SORCS2: variants seen among roughly 807,000 people sequenced by gnomAD.
The protein encoded by SORCS2 is sortilin related VPS10 domain containing receptor 2, also known as VPS10 domain-containing receptor SorCS2.
In SORCS2, 100 loss-of-function variants were observed where a neutral mutation model predicts 141.6. The observed-to-expected ratio is 0.71, with a 90% confidence interval of 0.60 to 0.83. The LOEUF is 0.83. Ranked by LOEUF, SORCS2 falls within the 40% of genes least tolerant of loss-of-function variation. The pLI is 0.00. For synonymous variants in SORCS2, 789 were observed against 676.9 expected, an observed-to-expected ratio of 1.17 and a Z score of -2.57; for missense variants, 1,646 against 1,560.2, an observed-to-expected ratio of 1.05 and a Z score of -0.93.
At chr4:7,524,290 G>A (rs1560354735) in intron 2 of SORCS2, among the ~76,000 whole-genome samples, 1 of 152,154 alleles carries the variant, frequency 6.6e-6, no homozygotes, top group Non-Finnish European at 1.5e-5. Flanking sequence ...AGGGACGCCT[G>A]GAGCCCTCAG....
intron 1 of SORCS2, among the ~76,000 whole-genome samples, chr4:7,351,870 C>T (rs1720963515): frequency 6.6e-6 from 1 of 152,150 alleles, no homozygotes; most frequent in African/African-American, 2.4e-5. Context: ...ATTCATCCCC[C>T]ATCCATTCAC....
chr4:7,673,294 T>C (rs1405495358), intron 8 of SORCS2, among the ~76,000 whole-genome samples: 1 of 152,250 alleles, frequency 6.6e-6, no homozygotes, highest in Non-Finnish European at 1.5e-5. Flanking sequence ...AATGTTGCGA[T>C]GTGGCAATTT....
At chr4:7,673,772 A>G (rs929740174) in intron 8 of SORCS2, among the ~76,000 whole-genome samples, 3 of 152,218 alleles carry the variant, frequency 2.0e-5, no homozygotes, top group Non-Finnish European at 4.4e-5. Flanking sequence ...ACTTGCTGCA[A>G]TCGCTGTAAA....
chr4:7,411,080 C>T (rs1028150163), intron 2 of SORCS2, among the ~76,000 whole-genome samples: 3 of 151,274 alleles, frequency 2.0e-5, no homozygotes, highest in Non-Finnish European at 2.9e-5. Context: ...CTCAGCCTCC[C>T]GAGTAGCTGG....
chr4:7,222,609 G>C (rs772996255), intron 1 of SORCS2, among the ~76,000 whole-genome samples: 1 of 152,162 alleles, frequency 6.6e-6, no homozygotes, highest in African/African-American at 2.4e-5. Flanking sequence ...GCTGGCATGC[G>C]AATGAGATTC....
intron 2 of SORCS2, among the ~76,000 whole-genome samples, chr4:7,455,634 C>T (rs566977955): frequency 6.4e-5 from 9 of 139,764 alleles, no homozygotes; most frequent in East Asian, 4.3e-4. Flanking sequence ...TGGGGTCAGG[C>T]GCCGTGTTGG....
At chr4:7,330,868 G>A (rs1719614456) in intron 1 of SORCS2, among the ~76,000 whole-genome samples, 1 of 152,080 alleles carries the variant, frequency 6.6e-6, no homozygotes, top group Admixed American at 6.5e-5. Context: ...GTGTTCCACA[G>A]ACGTGGACTC....
chr4:7,554,568 C>T (rs1303779253), intron 3 of SORCS2, among the ~76,000 whole-genome samples: 3 of 152,146 alleles, frequency 2.0e-5, no homozygotes, highest in Non-Finnish European at 4.4e-5. Flanking sequence ...ATTCAGCAAA[C>T]ACCATTAAAG....
At chr4:7,317,000 G>A (rs893078864) in intron 1 of SORCS2, among the ~76,000 whole-genome samples, 1 of 152,192 alleles carries the variant, frequency 6.6e-6, no homozygotes, top group Non-Finnish European at 1.5e-5. Context: ...AGCGCCCGGG[G>A]TCAGAAGGTT....
chr4:7,664,527 C>A lies in SORCS2; in HGVS notation c.1071+56C>A. 1 of 1,282,120 alleles carries A rather than the reference C, an allele frequency of 7.8e-7. No individual in the cohort carries two copies. Among genetic ancestry groups the A allele is most frequent in the Non-Finnish European group, 1.1e-6 (1 of 915,854 alleles). The allele number at this position is 1,282,120 out of a possible 1,614,324, so 79.4% of individuals were successfully genotyped here. ...GGCAACAGGTGACGTGGCGGATGAC[C>A]CGTTCGCGGCAAAAATGGCATCGCT... On this transcript the variant is annotated intron_variant, in intron 7 of 26. Coordinates refer to ENST00000507866, the MANE Select transcript of SORCS2 (RefSeq NM_020777.3). The surrounding 1 kb of genome is among the most constrained non-coding windows in gnomAD (Gnocchi z 4.7).
chr4:7,387,635 G>T (rs200811522), intron 1 of SORCS2, among the ~76,000 whole-genome samples: 1 of 113,146 alleles, frequency 8.8e-6, no homozygotes, highest in African/African-American at 3.9e-5. Context: ...TTGCACACAC[G>T]CACACACATG....
intron 3 of SORCS2, among the ~76,000 whole-genome samples, chr4:7,564,258 C>G (rs947992281): frequency 5.9e-5 from 9 of 152,232 alleles, no homozygotes; most frequent in African/African-American, 2.2e-4. Context: ...CTCTACTTCT[C>G]CAGCCACGCT....
At chr4:7,480,857 C>T (rs549628941) in intron 2 of SORCS2, among the ~76,000 whole-genome samples, 7 of 152,248 alleles carry the variant, frequency 4.6e-5, no homozygotes, top group Non-Finnish European at 7.3e-5. Flanking sequence ...CGTGGCCTCC[C>T]TGGGTGGGTT....
At chr4:7,343,369 C>T (rs1401394774) in intron 1 of SORCS2, among the ~76,000 whole-genome samples, 3 of 152,216 alleles carry the variant, frequency 2.0e-5, no homozygotes, top group Non-Finnish European at 2.9e-5. Flanking sequence ...TGACACCGGG[C>T]AAAGCCGATG....
chr4:7,657,368 CTGAG>C lies in SORCS2; in HGVS notation c.887+3167_887+3170del, dbSNP rs551053742. On this transcript the variant is annotated intron_variant, in intron 5 of 26. Coordinates refer to ENST00000507866, the MANE Select transcript of SORCS2 (RefSeq NM_020777.3). ...GAGTGAATGAGTGAATGAGTAACAA[CTGAG>C]TGAGTAAATGGATGAGTAAATAACT... 1.6e-3 allele frequency among the ~76,000 whole-genome samples: 229 copies of C among 143,938 alleles called. 1 individual carries two copies. The highest frequency in any genetic ancestry group is 5.2e-3 in the African/African-American group (209 of 40,432). The allele number at this position is 143,938 out of a possible 152,430, so 94.4% of individuals were successfully genotyped here.
chr4:7,551,798 A>G (rs1431381311), intron 3 of SORCS2, among the ~76,000 whole-genome samples: 1 of 152,230 alleles, frequency 6.6e-6, no homozygotes, highest in Non-Finnish European at 1.5e-5. Flanking sequence ...ATTTAAAAAC[A>G]TTGATCAGTG....
intron 1 of SORCS2, among the ~76,000 whole-genome samples, chr4:7,376,322 A>G (rs928590505): frequency 1.3e-5 from 2 of 152,016 alleles, no homozygotes; most frequent in Non-Finnish European, 2.9e-5. Flanking sequence ...CATGCCTGTA[A>G]TCCCAGCACT....
Position 7,740,362 on chromosome 4 carries a change from C to T in SORCS2, c.*98C>T. On this transcript the variant is annotated 3_prime_UTR_variant, in exon 27 of 27. Transcript: ENST00000507866. Reference sequence around the variant, plus strand: ...GCCCCTCAGAGACCTGCGGAAAGCCCCCTCCCTGAGTCGTCGCCACACCAG... The same window carrying T: ...GCCCCTCAGAGACCTGCGGAAAGCCTCCTCCCTGAGTCGTCGCCACACCAG... 1 of 1,154,348 alleles carries T rather than the reference C, an allele frequency of 8.7e-7. No individual in the cohort carries two copies. Among genetic ancestry groups the T allele is most frequent in the Non-Finnish European group, 1.3e-6 (1 of 796,752 alleles). The allele number at this position is 1,154,348 out of a possible 1,614,324, so 71.5% of individuals were successfully genotyped here.
At chr4:7,466,413 C>T (rs1366201884) in intron 2 of SORCS2, among the ~76,000 whole-genome samples, 5 of 152,124 alleles carry the variant, frequency 3.3e-5, no homozygotes, top group South Asian at 2.1e-4. Flanking sequence ...CACGTGGCCA[C>T]GCCCCACTCA....
Sources: gnomAD v4.1 joint callset for allele counts (sites outside exome capture counted in the v4.1 genomes callset) on GRCh38, gnomAD v4.1.1 for gene constraint, Gnocchi (gnomAD v3.1) non-coding constraint, MANE v1.5 for transcripts, NCBI Gene and HGNC (gene_info 2026-07-23, HGNC 2026-07-21) for gene names.